The following PIK3R1 variants were observed in gnomAD, a reference collection of about 807,000 sequenced individuals.
PIK3R1 encodes phosphatidylinositol 3-kinase regulatory subunit alpha.
Under a neutral mutation model 98.0 loss-of-function variants are expected in PIK3R1, and 29 were observed. The observed-to-expected ratio is 0.30, with a 90% CI of 0.22 to 0.40. The LOEUF (loss-of-function observed/expected upper bound fraction) is 0.40. Ranked by LOEUF, PIK3R1 falls within the 10% of genes least tolerant of loss-of-function variation. The pLI is 1.00. For synonymous variants in PIK3R1, 282 were observed against 311.8 expected, an observed-to-expected ratio of 0.90 and a Z score of 1.01; for missense variants, 596 against 872.7, an observed-to-expected ratio of 0.68 and a Z score of 3.99.
At chr5:68,290,422 A>G (rs991966330) in intron 7 of PIK3R1, among the ~76,000 whole-genome samples, 2 of 152,260 alleles carry the variant, frequency 1.3e-5, no homozygotes, top group Non-Finnish European at 2.9e-5. Flanking sequence ...ACAAGGAATT[A>G]GAAAACTCGC....
chr5:68,271,113 GT>G (rs2112155199), intron 2 of PIK3R1, among the ~76,000 whole-genome samples: 1 of 152,218 alleles, frequency 6.6e-6, no homozygotes, highest in Non-Finnish European at 1.5e-5. Context: ...CCCCAAACAG[GT>G]TACTAGCCCA....
At chr5:68,256,180 T>C (rs1288794193) in intron 2 of PIK3R1, among the ~76,000 whole-genome samples, 1 of 152,156 alleles carries the variant, frequency 6.6e-6, no homozygotes, top group African/African-American at 2.4e-5. Context: ...CCCACTCTGT[T>C]TTTCTCTTTG....
At chr5:68,286,230 T>C (rs983486254) in intron 7 of PIK3R1, among the ~76,000 whole-genome samples, 4 of 152,222 alleles carry the variant, frequency 2.6e-5, no homozygotes, top group African/African-American at 9.6e-5. Flanking sequence ...TGATACATAT[T>C]GTTTTAAAGA....
At chr5:68,246,492 T>C (rs2112046803) in intron 2 of PIK3R1, among the ~76,000 whole-genome samples, 1 of 152,242 alleles carries the variant, frequency 6.6e-6, no homozygotes. Flanking sequence ...TTTGTATTTT[T>C]AGTAGAGACA....
chr5:68,287,047 G>A (rs68180970), intron 7 of PIK3R1, among the ~76,000 whole-genome samples: 33,392 of 151,944 alleles, frequency 0.22, 3,794 homozygotes, highest in South Asian at 0.26. Context: ...TTTCATTGTG[G>A]GTTTAACAGC....
chr5:68,292,460 G>C, intron 8 of PIK3R1, 99 bp downstream of exon 8: 1 of 1,424,510 alleles, frequency 7.0e-7, no homozygotes, highest in Non-Finnish European at 9.8e-7. Flanking sequence ...TCCAACATAA[G>C]CATGAAGCAT....
intron 11 of PIK3R1, among the ~76,000 whole-genome samples, chr5:68,294,145 G>C (rs1366773170): frequency 1.3e-5 from 2 of 152,312 alleles, no homozygotes; most frequent in Non-Finnish European, 2.9e-5. Context: ...TCACAGACTT[G>C]TCTAATCCCT....
At chr5:68,228,997 A>T (rs1744380914) in intron 2 of PIK3R1, among the ~76,000 whole-genome samples, 1 of 152,164 alleles carries the variant, frequency 6.6e-6, no homozygotes, top group Admixed American at 6.5e-5. Flanking sequence ...TCTTTAATAC[A>T]TGGAAAGATG....
intron 2 of PIK3R1, among the ~76,000 whole-genome samples, chr5:68,266,734 A>G (rs1289090131): frequency 2.6e-5 from 4 of 152,214 alleles, no homozygotes; most frequent in African/African-American, 4.8e-5. Context: ...AACTAAATAC[A>G]TAGGCATTAC....
chr5:68,284,677 C>T (rs1747007637), intron 7 of PIK3R1, among the ~76,000 whole-genome samples: 1 of 152,212 alleles, frequency 6.6e-6, no homozygotes. Context: ...TTTTCCTATT[C>T]ATCTGCTTAA....
chr5:68,294,949 T>TTAAAG (rs1747617913), intron 12 of PIK3R1, among the ~76,000 whole-genome samples, 199 bp from the exon 13 acceptor site: 1 of 143,030 alleles, frequency 7.0e-6, no homozygotes, highest in Non-Finnish European at 1.5e-5. Context: ...ACCCTAAAAC[T>TTAAAG]TAAAGTATAA....
chr5:68,254,267 A>T (rs571161688), intron 2 of PIK3R1, among the ~76,000 whole-genome samples: 86 of 152,290 alleles, frequency 5.6e-4, no homozygotes, highest in African/African-American at 2.0e-3. Flanking sequence ...GAGATGTTTC[A>T]TTGTTTTGTA....
chr5:68,292,781 G>C, intron 8 of PIK3R1: 1 of 1,252,314 alleles, frequency 8.0e-7, no homozygotes, highest in South Asian at 1.8e-5. Flanking sequence ...TTGTCAGAGA[G>C]ATTGTAATGT....
intron 2 of PIK3R1, among the ~76,000 whole-genome samples, chr5:68,262,886 T>C (rs1230441471): frequency 8.3e-6 from 1 of 120,034 alleles, no homozygotes; most frequent in South Asian, 2.7e-4. Flanking sequence ...TACATGTAGA[T>C]ACATGTATAC....
At position 68,273,974 on chromosome 5, in the gene PIK3R1, T is replaced by G. The variant is rs1364249334; in HGVS notation, c.463T>G (p.Ser155Ala). 1 of 1,614,046 alleles carries G rather than the reference T, an allele frequency of 6.2e-7. No individual in the cohort carries two copies. Among genetic ancestry groups the G allele is most frequent in the South Asian group, 1.1e-5 (1 of 91,078 alleles). ...TTCAACTCTATACAGAACACAGAGC[T>G]CCAGCAACCTGGCAGAATTACGACA... ...ECSTLYRTQS[S>A]SNLAELRQLL... Residue 155 changes from serine to alanine, a missense_variant, in exon 4 of 16, where the codon TCC becomes GCC. Around this residue, in one of 3 missense-constraint regions of PIK3R1, gnomAD observed 352 missense variants for 393.3 expected, o/e 0.90. Transcript: ENST00000521381.
intron 2 of PIK3R1, among the ~76,000 whole-genome samples, chr5:68,250,387 T>C (rs940129445): frequency 3.3e-5 from 5 of 152,198 alleles, no homozygotes; most frequent in Admixed American, 2.0e-4. Flanking sequence ...TTTCCCCAGC[T>C]CCGTCAGCTC....
intron 2 of PIK3R1, among the ~76,000 whole-genome samples, chr5:68,241,204 C>G (rs181089892): frequency 6.6e-6 from 1 of 151,626 alleles, no homozygotes; most frequent in African/African-American, 2.4e-5. Flanking sequence ...TAATTAAGGC[C>G]TCCTAAAATG....
intron 2 of PIK3R1, among the ~76,000 whole-genome samples, chr5:68,239,543 T>G (rs1450080777): frequency 2.0e-5 from 3 of 152,214 alleles, no homozygotes; most frequent in African/African-American, 7.2e-5. Flanking sequence ...CTGGCCTTAT[T>G]ATACCTGTTT....
intron 2 of PIK3R1, among the ~76,000 whole-genome samples, chr5:68,241,457 T>C (rs1471219985): frequency 6.6e-6 from 1 of 152,016 alleles, no homozygotes; most frequent in East Asian, 1.9e-4. Flanking sequence ...TTTTCTTAAA[T>C]ACATGCAAGA....
Sources: gnomAD v4.1 joint callset for allele counts (sites outside exome capture counted in the v4.1 genomes callset) on GRCh38, gnomAD v4.1.1 for gene constraint, gnomAD v4.1.1 regional missense constraint, MANE v1.5 for transcripts, NCBI Gene and HGNC (gene_info 2026-07-23, HGNC 2026-07-21) for gene names.